Variants in TENM3 observed in about 807,000 individuals in gnomAD.
TENM3 encodes teneurin transmembrane protein 3, also known as teneurin-3.
A neutral mutation model predicts 255.1 loss-of-function variants in TENM3; 63 were observed. The ratio of observed to expected loss-of-function variants is 0.25; its 90% CI spans 0.20 to 0.30. The LOEUF (loss-of-function observed/expected upper bound fraction) is 0.30, where lower values mean the gene tolerates loss of function less well. Among genes scored for constraint, TENM3 ranks in the 10% least tolerant of loss-of-function variants. The probability of loss-of-function intolerance (pLI) is 1.00; values close to 1 mark genes in which losing one functional copy is unlikely to be tolerated. For synonymous variants in TENM3, 1,306 were observed against 1,322.3 expected, an observed-to-expected ratio of 0.99 and a Z score of 0.27; for missense variants, 2,929 against 3,461.1, an observed-to-expected ratio of 0.85 and a Z score of 3.86.
At chr4:182,582,367 A>G (rs1325772851) in intron 3 of TENM3, among the ~76,000 whole-genome samples, 2 of 152,154 alleles carry the variant, frequency 1.3e-5, no homozygotes, top group Non-Finnish European at 2.9e-5. Flanking sequence ...ATTTCTCTGT[A>G]CATTTTTTCC....
the TENM3 span, among the ~76,000 whole-genome samples, chr4:181,544,885 A>G: frequency 6.6e-6 from 1 of 152,254 alleles, no homozygotes; most frequent in African/African-American, 2.4e-5. Flanking sequence ...ATTAGAGCTG[A>G]CAAATGTTTT....
the TENM3 span, among the ~76,000 whole-genome samples, chr4:181,847,839 G>T: frequency 2.6e-5 from 4 of 151,904 alleles, no homozygotes; most frequent in African/African-American, 4.8e-5. Context: ...TAAATAACTT[G>T]AAAGAAAGTC....
chr4:181,668,530 C>T, the TENM3 span, among the ~76,000 whole-genome samples: 1 of 152,088 alleles, frequency 6.6e-6, no homozygotes, highest in Non-Finnish European at 1.5e-5. Context: ...CCAGTGGTTC[C>T]TTTGCTTGTG....
the TENM3 span, among the ~76,000 whole-genome samples, chr4:181,943,701 G>A: frequency 3.9e-5 from 6 of 152,132 alleles, no homozygotes; most frequent in Admixed American, 2.0e-4. Context: ...TCCACAGACC[G>A]TAGAAGCAAT....
At chr4:181,475,388 T>C in the TENM3 span, among the ~76,000 whole-genome samples, 2 of 152,202 alleles carry the variant, frequency 1.3e-5, no homozygotes, top group Non-Finnish European at 2.9e-5. Context: ...TGTTGCATAA[T>C]TGACAGAAAA....
chr4:182,346,752 A>G lies in TENM3; in HGVS notation c.334A>G (p.Ile112Val). ...EMGLPHRGYS[I>V]SAGSDADTEN... Reference sequence around the variant, plus strand: ...GGGGCTCCCTCACAGAGGTTACTCTATCAGTGCAGGGTCAGATGCTGATAC... The same window carrying G: ...GGGGCTCCCTCACAGAGGTTACTCTGTCAGTGCAGGGTCAGATGCTGATAC... Residue 112 changes from isoleucine (I) to valine (V), a missense_variant, in exon 3 of 28, where the codon ATC becomes GTC. Physicochemically the swap from Ile to Val is conservative, Grantham distance 29 (BLOSUM62 3). This residue lies in a region of TENM3 where 283 missense variants were observed against 256.9 expected (regional missense o/e 1.10). Coordinates refer to ENST00000511685, the MANE Select transcript of TENM3 (RefSeq NM_001080477.4). The G allele has an allele frequency of 1.2e-6, 2 of 1,613,640 alleles. No homozygotes were observed. Among genetic ancestry groups the G allele is most frequent in the Non-Finnish European group, 8.5e-7 (1 of 1,179,782 alleles).
the TENM3 span, among the ~76,000 whole-genome samples, chr4:181,752,269 T>C: frequency 6.6e-6 from 1 of 152,122 alleles, no homozygotes. Context: ...GATTTTAAAA[T>C]GGAATGTAGG....
chr4:182,471,716 CAT>C (rs1293621857), intron 3 of TENM3, among the ~76,000 whole-genome samples: 2 of 151,706 alleles, frequency 1.3e-5, no homozygotes, highest in African/African-American at 2.4e-5. Flanking sequence ...ATAAAATAAA[CAT>C]GTCATGAAAT....
chr4:182,047,560 C>CAAAAA, the TENM3 span, among the ~76,000 whole-genome samples: 52 of 72,234 alleles, frequency 7.2e-4, no homozygotes, highest in African/African-American at 1.8e-3. Flanking sequence ...GACTCCATCT[C>CAAAAA]AAAAAAAAAA....
In TENM3 at chr4:182,793,189, C is replaced by T; in HGVS notation, c.6517C>T (p.Leu2173Phe). The T allele has an allele frequency of 6.2e-7, 1 of 1,614,018 alleles. No individual in the cohort carries two copies. ...NPSNSARLTPLRYDLRDRITR... is the reference protein window; with the variant it reads ...NPSNSARLTPFRYDLRDRITR... ...AAGTAACAGTGCGCGTCTGACACCC[C>T]TTCGCTATGACCTGCGAGACAGAAT... The change falls in exon 26 of 28, where the codon CTT becomes TTT. Residue 2173 changes from leucine (L) to phenylalanine (F), a missense_variant. Leu to Phe is a conservative substitution (Grantham distance 22). Around this residue, in one of 6 missense-constraint regions of TENM3, gnomAD observed 256 missense variants for 389.3 expected, o/e 0.66. Coordinates refer to ENST00000511685, the MANE Select transcript of TENM3 (RefSeq NM_001080477.4). This position sits in a 1 kb window ranked among gnomAD's most constrained non-coding sequence, Gnocchi z 5.7.
the TENM3 span, among the ~76,000 whole-genome samples, chr4:182,016,746 C>G: frequency 6.6e-6 from 1 of 152,064 alleles, no homozygotes. Context: ...TGAACATAGG[C>G]CATTAACATA....
the TENM3 span, among the ~76,000 whole-genome samples, chr4:182,002,295 A>T: frequency 1.3e-5 from 2 of 152,112 alleles, no homozygotes; most frequent in African/African-American, 2.4e-5. Context: ...GTTGATGAAG[A>T]CCAGGGGCTC....
chr4:182,094,770 A>G, the TENM3 span, among the ~76,000 whole-genome samples: 1 of 152,180 alleles, frequency 6.6e-6, no homozygotes, highest in Non-Finnish European at 1.5e-5. Context: ...TAATGACATA[A>G]TAGTTGAAAG....
chr4:182,342,370 A>G (rs1256879496), intron 2 of TENM3, among the ~76,000 whole-genome samples: 1 of 152,058 alleles, frequency 6.6e-6, no homozygotes, highest in Non-Finnish European at 1.5e-5. Context: ...TCTAAGTGAA[A>G]GAAGCCAGTC....
At chr4:182,747,132 G>C (rs1343987897) in intron 19 of TENM3, among the ~76,000 whole-genome samples, 4 of 152,114 alleles carry the variant, frequency 2.6e-5, no homozygotes, top group Non-Finnish European at 4.4e-5. Context: ...GGAAGAAAAA[G>C]AAATGGAAAA....
Position 182,789,995 on chromosome 4 carries a change from G to C in TENM3, c.5601+606G>C, listed in dbSNP as rs1765971939. Among the ~76,000 whole-genome samples the C allele has an allele frequency of 6.6e-6, 1 of 152,162 alleles. No homozygotes were observed. The highest frequency in any genetic ancestry group is 2.4e-5 in the African/African-American group (1 of 41,432). On this transcript the variant is annotated intron_variant, in intron 25 of 27. Coordinates refer to ENST00000511685, the MANE Select transcript of TENM3 (RefSeq NM_001080477.4). The surrounding 1 kb of genome is among the most constrained non-coding windows in gnomAD (Gnocchi z 4.4). The stretch of plus-strand genomic sequence containing the variant: ...GCATAGTATCAAAAATGGAGACTTA[G>C]AATTACACGTGTGCAAAATGCTAAG...
the TENM3 span, among the ~76,000 whole-genome samples, chr4:181,850,155 GT>G: frequency 6.7e-6 from 1 of 149,068 alleles, no homozygotes; most frequent in Non-Finnish European, 1.5e-5. Context: ...TGCTGATTTC[GT>G]TTTATCTTTA....
the TENM3 span, among the ~76,000 whole-genome samples, chr4:181,688,522 A>G: frequency 6.6e-6 from 1 of 152,168 alleles, no homozygotes; most frequent in East Asian, 1.9e-4. Context: ...GTTCAGAGTT[A>G]GCCCTTAGGG....
the TENM3 span, among the ~76,000 whole-genome samples, chr4:182,037,804 C>T: frequency 1.4e-4 from 22 of 152,216 alleles, no homozygotes; most frequent in African/African-American, 2.4e-4. Flanking sequence ...CATATTCCTA[C>T]GTAACGACAC....
Sources: allele counts gnomAD v4.1 joint callset (sites outside exome capture counted in the v4.1 genomes callset), GRCh38; gene constraint gnomAD v4.1.1; regional missense constraint gnomAD v4.1.1; non-coding constraint Gnocchi (gnomAD v3.1); transcripts MANE v1.5; gene names NCBI Gene and HGNC (gene_info 2026-07-23, HGNC 2026-07-21).